Variants in PPP4R2 observed in about 807,000 individuals in gnomAD.
The protein encoded by PPP4R2 is serine/threonine-protein phosphatase 4 regulatory subunit 2.
PPP4R2 carries 13 observed loss-of-function variants against 47.2 expected under a neutral mutation model. The ratio of observed to expected loss-of-function variants is 0.28; its 90% CI spans 0.18 to 0.44. The LOEUF (loss-of-function observed/expected upper bound fraction) is 0.44, where lower values mean the gene tolerates loss of function less well. Among genes scored for constraint, PPP4R2 ranks in the 20% least tolerant of loss-of-function variants. PPP4R2 has a pLI of 1.00. For missense variants in PPP4R2, 421 were observed against 491.2 expected (o/e 0.86, Z 1.35); for synonymous variants, 151 against 163.3 (o/e 0.92, Z 0.57).
At chr3:73,062,313 G>A in intron 5 of PPP4R2, 1 of 1,606,174 alleles carries the variant, frequency 6.2e-7, no homozygotes, top group Non-Finnish European at 8.5e-7. Flanking sequence ...AGGAAGATTT[G>A]AGCTATCTGG....
At chr3:73,036,737 ATTATTAC>A (rs1384771338) in intron 2 of PPP4R2, among the ~76,000 whole-genome samples, 1 of 152,192 alleles carries the variant, frequency 6.6e-6, no homozygotes, top group African/African-American at 2.4e-5. Flanking sequence ...ATTCCAGATA[ATTATTAC>A]TTACGTGATT....
intron 3 of PPP4R2, among the ~76,000 whole-genome samples, chr3:73,054,226 C>T (rs937369751): frequency 1.3e-5 from 2 of 152,186 alleles, no homozygotes; most frequent in African/African-American, 4.8e-5. Context: ...CTAATTTCGC[C>T]TCTTTTAATA....
intron 3 of PPP4R2, among the ~76,000 whole-genome samples, chr3:73,054,350 G>C (rs1373420464): frequency 6.6e-6 from 1 of 152,198 alleles, no homozygotes; most frequent in Non-Finnish European, 1.5e-5. Flanking sequence ...ATTAAAGCCT[G>C]AGTAGAGAAA....
chr3:72,997,673 C>T (rs867216405), intron 1 of PPP4R2, among the ~76,000 whole-genome samples: 31 of 152,114 alleles, frequency 2.0e-4, no homozygotes, highest in African/African-American at 7.5e-4. Context: ...CATTCAGAAT[C>T]ATTTGGGGAC....
At chr3:73,033,146 G>C (rs1350812648) in intron 2 of PPP4R2, among the ~76,000 whole-genome samples, 1 of 152,136 alleles carries the variant, frequency 6.6e-6, no homozygotes, top group Non-Finnish European at 1.5e-5. Context: ...ATGAGAGGAG[G>C]CACAATAACA....
At position 73,007,238 on chromosome 3, in the gene PPP4R2, T is replaced by C. The variant is rs576082524; in HGVS notation, c.116+9080T>C. 1.2e-4 allele frequency among the ~76,000 whole-genome samples: 19 copies of C among 152,322 alleles called. No homozygotes were observed. The South Asian group carries it at 3.5e-3, about 28-fold the overall frequency. ...GTAAATGCTTGATAATAATACTCGT[T>C]GTTATGTTGTTGATAATGCATATTT... On this transcript the variant is annotated intron_variant, in intron 2 of 8. Transcript: ENST00000356692.
At chr3:73,050,725 CTT>C (rs1188674829) in intron 3 of PPP4R2, among the ~76,000 whole-genome samples, 2 of 152,176 alleles carry the variant, frequency 1.3e-5, no homozygotes, top group South Asian at 4.1e-4. Context: ...TTAAAGCTAT[CTT>C]TTTATTTATT....
rs746750320 is a variant in PPP4R2 at position 73,048,375 on chromosome 3, G to T, written c.287+1019G>T. On this transcript the variant is annotated intron_variant, in intron 3 of 8. Coordinates refer to ENST00000356692, the MANE Select transcript of PPP4R2 (RefSeq NM_174907.4). ...TCAAGCAATTCTGCCTCAGCCCCCC[G>T]GGTAGCTAGGCTAGGACCACAGGTG... Among the ~76,000 whole-genome samples the T allele has an allele frequency of 2.0e-5, 3 of 151,986 alleles. No individual in the cohort carries two copies. The South Asian group carries it at 6.2e-4, about 32-fold the overall frequency.
chr3:73,064,158 T>A lies in PPP4R2; in HGVS notation c.638+12T>A, dbSNP rs779618380. 6.3e-7 allele frequency: 1 copy of A among 1,594,832 alleles called. No individual in the cohort carries two copies. The stretch of plus-strand genomic sequence containing the variant: ...GAGAAAAATCACAGGTTTGTATGTT[T>A]TATATTTAAAAACAGTGTTTTTATT... On this transcript the variant is annotated intron_variant, in intron 7 of 8. Coordinates refer to ENST00000356692, the MANE Select transcript of PPP4R2 (RefSeq NM_174907.4).
chr3:73,007,673 G>C (rs997457753), intron 2 of PPP4R2, among the ~76,000 whole-genome samples: 3 of 152,038 alleles, frequency 2.0e-5, no homozygotes, highest in East Asian at 3.9e-4. Context: ...ATTTTTAGTA[G>C]AGATGGGGTT....
chr3:73,034,395 G>T (rs1212622919), intron 2 of PPP4R2, among the ~76,000 whole-genome samples: 6 of 152,160 alleles, frequency 3.9e-5, no homozygotes, highest in Non-Finnish European at 5.9e-5. Context: ...TTATTACTCA[G>T]GCTATGGAGA....
intron 2 of PPP4R2, among the ~76,000 whole-genome samples, chr3:73,036,751 G>A (rs1702269135): frequency 6.6e-6 from 1 of 152,078 alleles, no homozygotes; most frequent in Non-Finnish European, 1.5e-5. Flanking sequence ...TTACTTACGT[G>A]ATTGGCATTT....
At chr3:73,042,345 T>A (rs1250831312) in intron 2 of PPP4R2, among the ~76,000 whole-genome samples, 1 of 149,442 alleles carries the variant, frequency 6.7e-6, no homozygotes, top group Middle Eastern at 3.2e-3. Flanking sequence ...CTGTTTTTTG[T>A]GCCTGAATAT....
chr3:73,028,492 C>T (rs925726168), intron 2 of PPP4R2, among the ~76,000 whole-genome samples: 1 of 152,094 alleles, frequency 6.6e-6, no homozygotes, highest in Admixed American at 6.5e-5. Flanking sequence ...GAGTCTCGCT[C>T]TTCCACCAGG....
At chr3:73,031,633 A>G (rs1702165330) in intron 2 of PPP4R2, among the ~76,000 whole-genome samples, 1 of 151,994 alleles carries the variant, frequency 6.6e-6, no homozygotes, top group Non-Finnish European at 1.5e-5. Context: ...TTGGGTGGAG[A>G]CTTTATCCTC....
At chr3:73,028,461 A>T (rs1406609442) in intron 2 of PPP4R2, among the ~76,000 whole-genome samples, 1 of 151,728 alleles carries the variant, frequency 6.6e-6, no homozygotes, top group Non-Finnish European at 1.5e-5. Context: ...CAGGTAGAAG[A>T]CTTTTTTTGT....
At chr3:73,063,371 C>G (rs1297013417) in intron 5 of PPP4R2, 1 of 246,362 alleles carries the variant, frequency 4.1e-6, no homozygotes, top group African/African-American at 2.4e-5. Context: ...CGCCTGTAAT[C>G]CCAGCACTTT....
rs1703032406 is a variant in PPP4R2, at chr3:73,067,834, T to C, written c.*2112T>C. ...ATTTGCAAGGGCAAATGTATTTCTT[T>C]ATTAAATAAAGTACAATAATGGTGA... On this transcript the variant is annotated 3_prime_UTR_variant, in exon 9 of 9. Coordinates refer to ENST00000356692, the MANE Select transcript of PPP4R2 (RefSeq NM_174907.4). The C allele has an allele frequency of 6.6e-6, 1 of 152,220 alleles. No homozygotes were observed. The highest frequency in any genetic ancestry group is 1.5e-5 in the Non-Finnish European group (1 of 68,026). The allele number at this position is 152,220 out of a possible 1,614,324, so 9.4% of individuals were successfully genotyped here.
chr3:73,027,892 T>G (rs1219173302), intron 2 of PPP4R2: 1 of 147,406 alleles, frequency 6.8e-6, no homozygotes, highest in African/African-American at 2.5e-5. Context: ...CCCCTCAAAC[T>G]CCCATGTTAA....
Sources: allele counts gnomAD v4.1 joint callset (sites outside exome capture counted in the v4.1 genomes callset), GRCh38; gene constraint gnomAD v4.1.1; transcripts MANE v1.5; gene names NCBI Gene and HGNC (gene_info 2026-07-23, HGNC 2026-07-21).